The following RORA variants were observed in gnomAD, a reference collection of about 807,000 sequenced individuals.
The protein encoded by RORA is RAR related orphan receptor A.
Under a neutral mutation model 69.5 loss-of-function variants are expected in RORA, and 7 were observed. The observed-to-expected ratio is 0.10, with a 90% confidence interval of 0.06 to 0.19. The LOEUF is 0.19. Among genes scored for constraint, RORA ranks in the 10% least tolerant of loss-of-function variants. RORA has a pLI of 1.00. For missense variants in RORA, 457 were observed against 663.0 expected (o/e 0.69, Z 3.41); for synonymous variants, 261 against 240.8 (o/e 1.08, Z -0.78).
At chr15:60,632,787 G>A (rs2069766381) in intron 2 of RORA, among the ~76,000 whole-genome samples, 1 of 152,042 alleles carries the variant, frequency 6.6e-6, no homozygotes, top group Admixed American at 6.6e-5. Flanking sequence ...GTGATTATCT[G>A]CATTCTCTCT....
intron 1 of RORA, among the ~76,000 whole-genome samples, chr15:61,020,671 C>A (rs1895479226): frequency 1.3e-5 from 2 of 152,186 alleles, no homozygotes; most frequent in Admixed American, 1.3e-4. Flanking sequence ...GTATCCCAGG[C>A]AATCTTGGTG....
chr15:60,819,620 C>G (rs2072861208), intron 1 of RORA, among the ~76,000 whole-genome samples: 1 of 152,126 alleles, frequency 6.6e-6, no homozygotes, highest in South Asian at 2.1e-4. Flanking sequence ...TGGGGCTCGT[C>G]TGTTGGGTGG....
chr15:60,650,816 CTATT>C (rs1340442988), intron 2 of RORA: 1 of 152,148 alleles, frequency 6.6e-6, no homozygotes, highest in African/African-American at 2.4e-5. Context: ...TTTTATAAAT[CTATT>C]TAGTTTTCAA....
At chr15:60,797,396 C>CTG (rs897046627) in intron 1 of RORA, among the ~76,000 whole-genome samples, 1 of 152,134 alleles carries the variant, frequency 6.6e-6, no homozygotes, top group Non-Finnish European at 1.5e-5. Context: ...CTTTGCTGCA[C>CTG]TGTGTGTGCC....
At chr15:61,042,309 G>A (rs780972083) in intron 1 of RORA, among the ~76,000 whole-genome samples, 16 of 152,130 alleles carry the variant, frequency 1.1e-4, no homozygotes, top group Non-Finnish European at 2.2e-4. Context: ...ATTATCCAGG[G>A]ACAACAGTGG....
At chr15:60,943,123 T>C (rs886095416) in intron 1 of RORA, among the ~76,000 whole-genome samples, 2 of 152,234 alleles carry the variant, frequency 1.3e-5, no homozygotes, top group Non-Finnish European at 2.9e-5. Flanking sequence ...TCCAAGTAGC[T>C]ATGCATAGTA....
chr15:61,084,719 G>A (rs965612576), intron 1 of RORA, among the ~76,000 whole-genome samples: 7 of 152,032 alleles, frequency 4.6e-5, no homozygotes, highest in African/African-American at 9.7e-5. Context: ...CAGCTGCTCC[G>A]CTCTAGTCAC....
intron 1 of RORA, among the ~76,000 whole-genome samples, chr15:60,910,765 G>C (rs1031328767): frequency 3.9e-5 from 6 of 152,132 alleles, no homozygotes; most frequent in Non-Finnish European, 8.8e-5. Flanking sequence ...GGTTAAAAGA[G>C]TGATACTGTA....
At chr15:60,959,568 A>G (rs1893358857) in intron 1 of RORA, among the ~76,000 whole-genome samples, 1 of 152,230 alleles carries the variant, frequency 6.6e-6, no homozygotes, top group South Asian at 2.1e-4. Context: ...TCCTATAGAT[A>G]TGGCTCATGT....
intron 1 of RORA, among the ~76,000 whole-genome samples, chr15:61,139,423 A>G (rs1303368050): frequency 1.3e-5 from 2 of 152,242 alleles, no homozygotes; most frequent in Non-Finnish European, 2.9e-5. Context: ...CTTAGAAAAC[A>G]AAAACAAACC....
At chr15:60,800,659 T>C (rs1351257159) in intron 1 of RORA, among the ~76,000 whole-genome samples, 1 of 152,172 alleles carries the variant, frequency 6.6e-6, no homozygotes, top group Non-Finnish European at 1.5e-5. Context: ...AGCCCGAGTG[T>C]CCTGGCTATA....
chr15:60,567,795 A>C (rs1299182187), intron 2 of RORA, among the ~76,000 whole-genome samples: 1 of 152,186 alleles, frequency 6.6e-6, no homozygotes, highest in Non-Finnish European at 1.5e-5. Context: ...TTGGTAATGC[A>C]TTACTTTCCC....
intron 2 of RORA, among the ~76,000 whole-genome samples, chr15:60,672,778 CA>C (rs1320298852): frequency 1.3e-4 from 20 of 152,326 alleles, no homozygotes; most frequent in African/African-American, 4.3e-4. Flanking sequence ...GCATTAAACA[CA>C]ATGCTTCGAA....
At chr15:61,209,753 C>A (rs536892136) in intron 1 of RORA, among the ~76,000 whole-genome samples, 3 of 152,206 alleles carry the variant, frequency 2.0e-5, no homozygotes, top group Non-Finnish European at 4.4e-5. Context: ...TGATCAAGGT[C>A]AAATGGTTAC....
intron 1 of RORA, among the ~76,000 whole-genome samples, chr15:60,946,706 G>A (rs536977890): frequency 1.3e-5 from 2 of 151,814 alleles, no homozygotes; most frequent in South Asian, 4.2e-4. Context: ...TGGGAAGTGA[G>A]GAGCGTCTCT....
In RORA at chr15:61,136,220, T is replaced by C. The variant is rs192227368; in HGVS notation, c.166+92833A>G. 8.5e-5 allele frequency among the ~76,000 whole-genome samples: 13 copies of C among 152,268 alleles called. No homozygotes were observed. The East Asian group carries it at 2.5e-3, about 29-fold the overall frequency. ...CCACCCACCCTCCCATCTGAAAGAT[T>C]TGTCCACAAGACCATGTGAGAATTT... On this transcript the variant is annotated intron_variant, in intron 1 of 10. Coordinates refer to ENST00000335670, the MANE Select transcript of RORA (RefSeq NM_134261.3).
At chr15:60,514,473 C>A in intron 4 of RORA, 143 bp downstream of exon 4, 1 of 756,744 alleles carries the variant, frequency 1.3e-6, no homozygotes. Context: ...CATGTAGCTG[C>A]CAGAGGAGCA....
intron 1 of RORA, among the ~76,000 whole-genome samples, chr15:60,739,402 C>T (rs568398119): frequency 6.6e-6 from 1 of 152,062 alleles, no homozygotes; most frequent in Non-Finnish European, 1.5e-5. Flanking sequence ...AAAATCCCAT[C>T]TCTACAAGAA....
At chr15:60,549,579 C>T (rs944941514) in intron 2 of RORA, among the ~76,000 whole-genome samples, 3 of 152,042 alleles carry the variant, frequency 2.0e-5, no homozygotes, top group African/African-American at 7.3e-5. Flanking sequence ...TTTATATTGC[C>T]GTGATTTTTA....
Sources: gnomAD v4.1 joint callset for allele counts (sites outside exome capture counted in the v4.1 genomes callset) on GRCh38, gnomAD v4.1.1 for gene constraint, MANE v1.5 for transcripts, NCBI Gene and HGNC (gene_info 2026-07-23, HGNC 2026-07-21) for gene names.